Variants in PCDH15 observed in about 807,000 individuals in gnomAD.
PCDH15 encodes protocadherin related 15, also known as protocadherin-15.
Under a neutral mutation model 178.5 loss-of-function variants are expected in PCDH15, and 129 were observed. The observed-to-expected ratio is 0.72, with a 90% CI of 0.63 to 0.84. The LOEUF is 0.84. PCDH15 is among the 40% of genes least tolerant of loss of function. The pLI is 0.00. For synonymous variants in PCDH15, 800 were observed against 732.0 expected, an observed-to-expected ratio of 1.09 and a Z score of -1.50; for missense variants, 2,230 against 2,099.9, an observed-to-expected ratio of 1.06 and a Z score of -1.21.
At position 53,905,266 on chromosome 10, in the gene PCDH15, A is replaced by T. The variant is rs906497312; in HGVS notation, c.3374-1896T>A. 8 of 516,152 alleles carry T rather than the reference A, an allele frequency of 1.5e-5. No individual in the cohort carries two copies. In the East Asian group the frequency reaches 4.4e-4, roughly 28 times the overall value. The allele number at this position is 516,152 out of a possible 1,614,324, so 32.0% of individuals were successfully genotyped here. A position where few individuals can be genotyped will look rare whatever the true frequency, so the allele number is the denominator to read the frequency against. On this transcript the variant is annotated intron_variant, in intron 25 of 37. Coordinates refer to ENST00000644397, the MANE Select transcript of PCDH15 (RefSeq NM_001384140.1). ...TCCTGCATTCTGATATAACAAAGAC[A>T]TCACAAAATACAAATAGGATACATT...
intron 3 of PCDH15, among the ~76,000 whole-genome samples, chr10:54,825,135 G>T (rs1299503986): frequency 6.6e-6 from 1 of 151,522 alleles, no homozygotes; most frequent in African/African-American, 2.4e-5. Context: ...TTGGTTTTTT[G>T]TCCTTGCGAT....
At chr10:55,403,199 G>T (rs1307973473) in intron 2 of PCDH15, among the ~76,000 whole-genome samples, 1 of 151,566 alleles carries the variant, frequency 6.6e-6, no homozygotes, top group East Asian at 1.9e-4. Context: ...GAATATTTGT[G>T]GGCTTTTTTA....
intron 16 of PCDH15, among the ~76,000 whole-genome samples, chr10:54,086,043 C>A (rs2094510464): frequency 6.6e-6 from 1 of 151,892 alleles, no homozygotes; most frequent in South Asian, 2.1e-4. Context: ...TTTAGCGTAC[C>A]TGTCTTAGTC....
chr10:53,888,864 C>A (rs2081363545), intron 26 of PCDH15, among the ~76,000 whole-genome samples: 1 of 149,644 alleles, frequency 6.7e-6, no homozygotes, highest in Admixed American at 6.7e-5. Flanking sequence ...CAGAATGATG[C>A]AAAGACAAAC....
At chr10:54,442,459 T>TATATAC (rs1469736625) in intron 3 of PCDH15, among the ~76,000 whole-genome samples, 14 of 93,450 alleles carry the variant, frequency 1.5e-4, no homozygotes, top group African/African-American at 6.3e-4. Context: ...TATATATATA[T>TATATAC]ACAGTCTTTT....
intron 2 of PCDH15, among the ~76,000 whole-genome samples, chr10:55,388,286 C>T (rs2132010310): frequency 6.6e-6 from 1 of 152,138 alleles, no homozygotes; most frequent in East Asian, 1.9e-4. Flanking sequence ...CTGGATTCTT[C>T]ATTGGATTCA....
chr10:55,615,359 G>A (rs1485407891), intron 2 of PCDH15, among the ~76,000 whole-genome samples: 4 of 152,074 alleles, frequency 2.6e-5, no homozygotes, highest in Non-Finnish European at 4.4e-5. Context: ...ACTGCAAAAT[G>A]TCATTAAATC....
At chr10:54,753,158 G>A (rs1946571839) in intron 1 of PCDH15, among the ~76,000 whole-genome samples, 1 of 151,988 alleles carries the variant, frequency 6.6e-6, no homozygotes, top group Admixed American at 6.6e-5. Flanking sequence ...GAGGATGTTG[G>A]GTGCTATGGA....
chr10:54,659,467 T>G (rs528919236), intron 2 of PCDH15, among the ~76,000 whole-genome samples: 67 of 152,186 alleles, frequency 4.4e-4, no homozygotes, highest in Non-Finnish European at 7.2e-4. Context: ...TAGAAATATA[T>G]ATCAGCCGGG....
chr10:54,673,035 G>T (rs2094705090), intron 1 of PCDH15, among the ~76,000 whole-genome samples: 1 of 151,782 alleles, frequency 6.6e-6, no homozygotes, highest in Admixed American at 6.6e-5. Context: ...AAATCTGCTT[G>T]CATTTAAACA....
At chr10:53,993,503 A>G (rs1224571234) in intron 21 of PCDH15, among the ~76,000 whole-genome samples, 2 of 152,184 alleles carry the variant, frequency 1.3e-5, no homozygotes, top group African/African-American at 4.8e-5. Flanking sequence ...GTGGTATAGG[A>G]TCCCTGAAGA....
chr10:54,853,470 T>C (rs1953680736), intron 3 of PCDH15, among the ~76,000 whole-genome samples: 1 of 147,618 alleles, frequency 6.8e-6, no homozygotes, highest in Non-Finnish European at 1.5e-5. Flanking sequence ...CATATATATA[T>C]ATATATAGTA....
At chr10:54,333,995 C>T (rs1940464196) in intron 6 of PCDH15, among the ~76,000 whole-genome samples, 1 of 152,068 alleles carries the variant, frequency 6.6e-6, no homozygotes, top group Non-Finnish European at 1.5e-5. Flanking sequence ...AGGACATTGC[C>T]CCCTTTCTGA....
At chr10:54,734,754 A>G (rs1345326777) in intron 1 of PCDH15, among the ~76,000 whole-genome samples, 1 of 152,038 alleles carries the variant, frequency 6.6e-6, no homozygotes, top group South Asian at 2.1e-4. Flanking sequence ...GATACCTACA[A>G]TCCATGTGGA....
chr10:54,797,367 G>A (rs1952139589), intron 1 of PCDH15, among the ~76,000 whole-genome samples: 1 of 151,868 alleles, frequency 6.6e-6, no homozygotes, highest in Admixed American at 6.6e-5. Context: ...TACATTTATA[G>A]CTTCAATAGC....
At chr10:53,845,118 A>T (rs1012025966) in intron 28 of PCDH15, among the ~76,000 whole-genome samples, 5 of 152,164 alleles carry the variant, frequency 3.3e-5, no homozygotes, top group African/African-American at 1.2e-4. Flanking sequence ...ATATGAAAAA[A>T]TGCTCGACAT....
At chr10:53,924,218 G>A (rs780974243) in intron 25 of PCDH15, among the ~76,000 whole-genome samples, 12 of 152,162 alleles carry the variant, frequency 7.9e-5, no homozygotes, top group African/African-American at 2.2e-4. Context: ...TGCATGTGGC[G>A]CTCGCGAGCC....
At chr10:53,936,968 T>C (rs1348168199) in intron 25 of PCDH15, among the ~76,000 whole-genome samples, 2 of 152,130 alleles carry the variant, frequency 1.3e-5, no homozygotes, top group East Asian at 1.9e-4. Context: ...AATATATGGG[T>C]TTTTATTTCA....
chr10:55,063,600 TG>T (rs1470053128), intron 2 of PCDH15, among the ~76,000 whole-genome samples: 1 of 152,176 alleles, frequency 6.6e-6, no homozygotes, highest in Admixed American at 6.6e-5. Context: ...CATGTTTGTA[TG>T]TATTTCTGTT....
Sources: allele counts gnomAD v4.1 joint callset (sites outside exome capture counted in the v4.1 genomes callset), GRCh38; gene constraint gnomAD v4.1.1; transcripts MANE v1.5; gene names NCBI Gene and HGNC (gene_info 2026-07-23, HGNC 2026-07-21).